The following CLMN variants were observed in gnomAD, a reference collection of about 807,000 sequenced individuals.
CLMN encodes calmin, also known as calmin (calponin-like, transmembrane).
In CLMN, 57 loss-of-function variants were observed where a neutral mutation model predicts 92.7. That is an observed-to-expected ratio of 0.61 (90% CI 0.50 to 0.77). CLMN has a LOEUF of 0.77. Among genes scored for constraint, CLMN ranks in the 30% least tolerant of loss-of-function variants. The pLI is 0.00. For synonymous variants in CLMN, 466 were observed against 470.6 expected (o/e 0.99, Z 0.13); for missense variants, 1,158 against 1,237.5 (o/e 0.94, Z 0.96).
intron 1 of CLMN, among the ~76,000 whole-genome samples, chr14:95,276,944 TGA>T: frequency 2.7e-5 from 1 of 36,648 alleles, no homozygotes; most frequent in Admixed American, 2.7e-4. Context: ...GTGAAAAAGA[TGA>T]TTTTTTTTTT....
In CLMN at chr14:95,319,705, C is replaced by T; in HGVS notation, c.82+6G>A. On this transcript the variant is annotated splice_donor_region_variant and intron_variant, in intron 1 of 12. Coordinates refer to ENST00000298912, the MANE Select transcript of CLMN (RefSeq NM_024734.4). ...GCCATCCCGGGGCGAGCCTGGGCTG[C>T]GTTACCTTGCAGGTTCTGCACTCGG... 1 of 1,593,826 alleles carries T rather than the reference C, an allele frequency of 6.3e-7. No individual in the cohort carries two copies.
intron 1 of CLMN, among the ~76,000 whole-genome samples, chr14:95,295,144 T>C (rs1262163758): frequency 6.6e-6 from 1 of 152,228 alleles, no homozygotes; most frequent in Non-Finnish European, 1.5e-5. Context: ...TCCTGCCTCA[T>C]ACGACCCTAT....
At chr14:95,207,919 CAG>C (rs1368862308) in intron 8 of CLMN, among the ~76,000 whole-genome samples, 1 of 152,232 alleles carries the variant, frequency 6.6e-6, no homozygotes, top group African/African-American at 2.4e-5. Flanking sequence ...TTTGGAAACA[CAG>C]AGGGTCCAAA....
chr14:95,213,479 G>A (rs1897252326), intron 5 of CLMN, 70 bp from the exon 6 acceptor site: 17 of 1,451,000 alleles, frequency 1.2e-5, no homozygotes, highest in Admixed American at 2.3e-5. Context: ...TGTCTGGCGG[G>A]TGGCCATATG....
intron 1 of CLMN, among the ~76,000 whole-genome samples, chr14:95,314,978 C>T (rs542172108): frequency 7.2e-5 from 11 of 152,292 alleles, no homozygotes; most frequent in Non-Finnish European, 8.8e-5. Context: ...TAAGAGCTGG[C>T]GGAGGTGGGA....
chr14:95,256,927 G>C lies in CLMN; in HGVS notation c.83-26794C>G, dbSNP rs370111114. On this transcript the variant is annotated intron_variant, in intron 1 of 12. Transcript: ENST00000298912. This position sits in a 1 kb window ranked among gnomAD's most constrained non-coding sequence, Gnocchi z 4.9. ...AAGGAGAGGGCATTCTCCATGTTGG[G>C]AACAGCAAGGGCAAAGGCTGGGTGG... 2.6e-5 allele frequency among the ~76,000 whole-genome samples: 4 copies of C among 152,314 alleles called. No homozygotes were observed. In the East Asian group the frequency reaches 5.8e-4, roughly 22 times the overall value.
At chr14:95,291,880 A>G (rs1900580933) in intron 1 of CLMN, among the ~76,000 whole-genome samples, 1 of 152,128 alleles carries the variant, frequency 6.6e-6, no homozygotes, top group African/African-American at 2.4e-5. Context: ...CATTTAAAAC[A>G]TGGGAAAATT....
intron 1 of CLMN, among the ~76,000 whole-genome samples, chr14:95,275,807 C>T (rs1485665890): frequency 2.6e-5 from 4 of 152,010 alleles, no homozygotes; most frequent in African/African-American, 9.7e-5. Context: ...GGATTACAGG[C>T]GCATGCCACC....
intron 1 of CLMN, among the ~76,000 whole-genome samples, chr14:95,289,336 A>G (rs930512250): frequency 6.6e-6 from 1 of 152,082 alleles, no homozygotes; most frequent in Admixed American, 6.5e-5. Context: ...GCTAAAAAAT[A>G]CAAAAAATTA....
At position 95,255,899 on chromosome 14, in the gene CLMN, C is replaced by T. The variant is rs77225997; in HGVS notation, c.83-25766G>A. On this transcript the variant is annotated intron_variant, in intron 1 of 12. Coordinates refer to ENST00000298912, the MANE Select transcript of CLMN (RefSeq NM_024734.4). ...CCCTTATTTTTGTGCATGAGTGTGG[C>T]GATGTTTAGGAGCACATGTACCATG... is the stretch of plus-strand genomic sequence containing the variant. Among the ~76,000 whole-genome samples, 112 of 152,148 alleles carry T rather than the reference C, an allele frequency of 7.4e-4. 1 individual carries two copies. The East Asian group carries it at 0.02, about 27-fold the overall frequency.
At chr14:95,293,684 A>AC (rs1414988658) in intron 1 of CLMN, among the ~76,000 whole-genome samples, 1 of 72,270 alleles carries the variant, frequency 1.4e-5, no homozygotes, top group East Asian at 4.6e-4. Context: ...TCTCCCACCC[A>AC]CCCCCGCCCC....
rs143731213 is a variant in CLMN at position 95,316,965 on chromosome 14, C to T, written c.82+2746G>A. On this transcript the variant is annotated intron_variant, in intron 1 of 12. Coordinates refer to ENST00000298912, the MANE Select transcript of CLMN (RefSeq NM_024734.4). ...CACTGTAGCCCTCCTTCCATCGCCA[C>T]GACAACTGCGGCTATCTGTGCTGTA... Among the ~76,000 whole-genome samples the T allele has an allele frequency of 6.6e-5, 10 of 152,330 alleles. No individual in the cohort carries two copies. The East Asian group carries it at 7.7e-4, about 12-fold the overall frequency.
intron 1 of CLMN, among the ~76,000 whole-genome samples, chr14:95,251,135 A>G (rs1898766355): frequency 6.6e-6 from 1 of 151,662 alleles, no homozygotes; most frequent in Non-Finnish European, 1.5e-5. Flanking sequence ...CAATGATCTC[A>G]TGTGTGTGTG....
chr14:95,242,276 T>TTTTTTTTTTTTTA (rs1898278246), intron 1 of CLMN, among the ~76,000 whole-genome samples: 1 of 128,452 alleles, frequency 7.8e-6, no homozygotes, highest in Non-Finnish European at 1.6e-5. Context: ...TTTTTTTTTT[T>TTTTTTTTTTTTTA]GAGATGGAGT....
intron 1 of CLMN, among the ~76,000 whole-genome samples, chr14:95,257,501 T>C (rs745592108): frequency 2.0e-5 from 3 of 152,240 alleles, no homozygotes; most frequent in Non-Finnish European, 2.9e-5. Context: ...ATTAAACTCT[T>C]TCAATTAACT....
chr14:95,240,148 T>TTG (rs1292701583), intron 1 of CLMN, among the ~76,000 whole-genome samples: 1 of 152,216 alleles, frequency 6.6e-6, no homozygotes, highest in Non-Finnish European at 1.5e-5. Context: ...TACAACAAAA[T>TTG]CGCCTAACAG....
At chr14:95,251,334 A>G (rs530015454) in intron 1 of CLMN, among the ~76,000 whole-genome samples, 1 of 152,326 alleles carries the variant, frequency 6.6e-6, no homozygotes, top group Admixed American at 6.5e-5. Context: ...TCACCGGCCA[A>G]CCCTATAAAA....
At chr14:95,309,672 T>G (rs116674492) in intron 1 of CLMN, among the ~76,000 whole-genome samples, 3,450 of 152,210 alleles carry the variant, frequency 0.023, 156 homozygotes, top group African/African-American at 0.08. Flanking sequence ...GGCAGCCCTA[T>G]GACCACAGCC....
intron 9 of CLMN, chr14:95,198,905 A>ATTTAT (rs1896799127): frequency 6.6e-6 from 1 of 152,046 alleles, no homozygotes; most frequent in Admixed American, 6.6e-5. Context: ...TATTTTATTT[A>ATTTAT]TTATTTATTT....
Sources: gnomAD v4.1 joint callset for allele counts (sites outside exome capture counted in the v4.1 genomes callset) on GRCh38, gnomAD v4.1.1 for gene constraint, Gnocchi (gnomAD v3.1) non-coding constraint, MANE v1.5 for transcripts, NCBI Gene and HGNC (gene_info 2026-07-23, HGNC 2026-07-21) for gene names.